Variants in PRKCA observed in about 807,000 individuals in gnomAD.
PRKCA encodes protein kinase C alpha type.
A neutral mutation model predicts 87.0 loss-of-function variants in PRKCA; 27 were observed. The ratio of observed to expected loss-of-function variants is 0.31; its 90% CI spans 0.23 to 0.43. The LOEUF (loss-of-function observed/expected upper bound fraction) is 0.43. PRKCA is among the 20% of genes least tolerant of loss of function. The pLI, the probability that PRKCA is intolerant of heterozygous loss-of-function variation, is 1.00. For missense variants in PRKCA, 518 were observed against 852.3 expected (o/e 0.61, Z 4.88); for synonymous variants, 329 against 311.1 (o/e 1.06, Z -0.61).
At chr17:66,747,841 G>T (rs1568010990) in intron 13 of PRKCA, among the ~76,000 whole-genome samples, 1 of 152,210 alleles carries the variant, frequency 6.6e-6, no homozygotes, top group Non-Finnish European at 1.5e-5. Flanking sequence ...CCACACGCAA[G>T]CCCCTCCCCA....
intron 3 of PRKCA, among the ~76,000 whole-genome samples, chr17:66,629,560 C>G (rs1436502763): frequency 3.9e-5 from 6 of 152,218 alleles, no homozygotes; most frequent in African/African-American, 1.4e-4. Flanking sequence ...AGACTTACCA[C>G]TTTGTACAGG....
At chr17:66,579,457 G>T (rs1969350757) in intron 3 of PRKCA, among the ~76,000 whole-genome samples, 1 of 152,188 alleles carries the variant, frequency 6.6e-6, no homozygotes, top group South Asian at 2.1e-4. Context: ...CTTACCAAGG[G>T]TTTACCGTGT....
intron 2 of PRKCA, among the ~76,000 whole-genome samples, chr17:66,368,993 T>G (rs1487061149): frequency 6.6e-6 from 1 of 152,190 alleles, no homozygotes; most frequent in Non-Finnish European, 1.5e-5. Context: ...CCGTGAGCTT[T>G]CTTCTCAAGC....
At position 66,786,985 on chromosome 17, in the gene PRKCA, T is replaced by C; in HGVS notation, c.1713+11T>C. On this transcript the variant is annotated intron_variant, in intron 15 of 16. Transcript: ENST00000413366. ...TCTGTCTGCAAAGGAGTAAGTCGAT[T>C]TGGATACCTTTTGTGATCATGGACC... is the stretch of plus-strand genomic sequence containing the variant. 1 of 1,550,156 alleles carries C rather than the reference T, an allele frequency of 6.5e-7. No homozygotes were observed. The highest frequency in any genetic ancestry group is 2.2e-5 in the East Asian group (1 of 44,574).
intron 2 of PRKCA, among the ~76,000 whole-genome samples, chr17:66,316,002 A>G (rs1055527338): frequency 9.2e-5 from 14 of 152,244 alleles, no homozygotes; most frequent in Non-Finnish European, 1.8e-4. Flanking sequence ...GCATGTGGGA[A>G]GGAAGGAGAT....
intron 12 of PRKCA, among the ~76,000 whole-genome samples, 195 bp from the exon 13 acceptor site, chr17:66,742,427 C>T (rs1598910768): frequency 6.6e-6 from 1 of 152,292 alleles, no homozygotes; most frequent in South Asian, 2.1e-4. Context: ...ATTTAAGCAC[C>T]TGCTGTAGCC....
intron 2 of PRKCA, among the ~76,000 whole-genome samples, chr17:66,482,577 GTATAT>G (rs1352519079): frequency 6.6e-6 from 1 of 152,194 alleles, no homozygotes; most frequent in African/African-American, 2.4e-5. Flanking sequence ...CTGTGTGGCT[GTATAT>G]TATTTGTGTG....
At chr17:66,723,895 A>G (rs1973677489) in intron 8 of PRKCA, among the ~76,000 whole-genome samples, 1 of 152,188 alleles carries the variant, frequency 6.6e-6, no homozygotes, top group South Asian at 2.1e-4. Context: ...TTGGAATCCA[A>G]GTTCAGGGCT....
At chr17:66,746,154 C>CTTTT (rs56319847) in intron 13 of PRKCA, among the ~76,000 whole-genome samples, 10 of 64,232 alleles carry the variant, frequency 1.6e-4, no homozygotes, top group Non-Finnish European at 2.5e-4. Context: ...TGTTGCCTTG[C>CTTTT]TTTTTTTTTT....
At chr17:66,596,311 G>A (rs1022940927) in intron 3 of PRKCA, among the ~76,000 whole-genome samples, 1 of 152,132 alleles carries the variant, frequency 6.6e-6, no homozygotes, top group African/African-American at 2.4e-5. Flanking sequence ...GCAAGAACAG[G>A]GCAGGAAAAG....
intron 10 of PRKCA, among the ~76,000 whole-genome samples, chr17:66,735,920 CT>C (rs5821508): frequency 0.17 from 21,320 of 121,852 alleles, 1,588 homozygotes; most frequent in African/African-American, 0.28. Context: ...TTCTTTCTTT[CT>C]TTTTTTTTTT....
chr17:66,458,804 G>A (rs1914698303), intron 2 of PRKCA, among the ~76,000 whole-genome samples: 1 of 152,068 alleles, frequency 6.6e-6, no homozygotes, highest in Admixed American at 6.6e-5. Flanking sequence ...TCTGAGAATT[G>A]TCTTACTGTA....
intron 2 of PRKCA, among the ~76,000 whole-genome samples, chr17:66,422,716 A>G (rs2143797374): frequency 6.6e-6 from 1 of 152,330 alleles, no homozygotes; most frequent in African/African-American, 2.4e-5. Context: ...CCATTTTTAT[A>G]TACCGTGACA....
intron 2 of PRKCA, among the ~76,000 whole-genome samples, chr17:66,424,026 C>T (rs1167756910): frequency 6.6e-6 from 1 of 152,126 alleles, no homozygotes; most frequent in Non-Finnish European, 1.5e-5. Flanking sequence ...GCTGTCTTAG[C>T]AGAAGTGTAG....
intron 3 of PRKCA, among the ~76,000 whole-genome samples, chr17:66,584,331 C>T (rs1969531553): frequency 6.6e-6 from 1 of 152,138 alleles, no homozygotes; most frequent in Non-Finnish European, 1.5e-5. Context: ...AAGCAGTTCT[C>T]CTGCCTCAGC....
At chr17:66,394,562 T>C (rs1312650684) in intron 2 of PRKCA, among the ~76,000 whole-genome samples, 1 of 152,176 alleles carries the variant, frequency 6.6e-6, no homozygotes, top group East Asian at 1.9e-4. Context: ...GAAATCCTGT[T>C]GTAAAGGGGC....
intron 5 of PRKCA, among the ~76,000 whole-genome samples, chr17:66,663,227 T>C (rs1007668058): frequency 6.6e-6 from 1 of 152,178 alleles, no homozygotes; most frequent in African/African-American, 2.4e-5. Context: ...GTCCCTCAGA[T>C]AAAGGTGCTA....
chr17:66,586,404 T>G (rs1234570747), intron 3 of PRKCA, among the ~76,000 whole-genome samples: 1 of 152,224 alleles, frequency 6.6e-6, no homozygotes. Context: ...TAGCGTGACT[T>G]TCTGCTAATA....
At chr17:66,661,127 C>A (rs1453262967) in intron 5 of PRKCA, among the ~76,000 whole-genome samples, 1 of 152,148 alleles carries the variant, frequency 6.6e-6, no homozygotes, top group African/African-American at 2.4e-5. Context: ...GTTAGACTTT[C>A]TTTGCATTGC....
Sources: gnomAD v4.1 joint callset for allele counts (sites outside exome capture counted in the v4.1 genomes callset) on GRCh38, gnomAD v4.1.1 for gene constraint, MANE v1.5 for transcripts, NCBI Gene and HGNC (gene_info 2026-07-23, HGNC 2026-07-21) for gene names.